The following MINK1 variants were observed in gnomAD, a reference collection of about 807,000 sequenced individuals.
MINK1 encodes the protein misshapen-like kinase 1.
In MINK1, 46 loss-of-function variants were observed where a neutral mutation model predicts 178.4. The ratio of observed to expected loss-of-function variants is 0.26; its 90% CI spans 0.20 to 0.33. The LOEUF is 0.33. Ranked by LOEUF, MINK1 falls within the 10% of genes least tolerant of loss-of-function variation. The probability of loss-of-function intolerance (pLI) is 1.00; values close to 1 mark genes in which losing one functional copy is unlikely to be tolerated. For synonymous variants in MINK1, 797 were observed against 709.7 expected (o/e 1.12, Z -1.96); for missense variants, 1,366 against 1,814.9 (o/e 0.75, Z 4.49).
chr17:4,850,970 C>T (rs1396963058), intron 1 of MINK1: 1 of 457,518 alleles, frequency 2.2e-6, no homozygotes, highest in South Asian at 1.6e-5. Context: ...GTCTGCTTCC[C>T]AGGGACTGGC....
chr17:4,876,851 G>A (rs1045357352), intron 1 of MINK1, among the ~76,000 whole-genome samples: 3 of 152,098 alleles, frequency 2.0e-5, no homozygotes, highest in Non-Finnish European at 4.4e-5. Flanking sequence ...ACTTTGGGAG[G>A]CCAAGGCAGG....
At chr17:4,878,811 C>G (rs890128336) in intron 2 of MINK1, among the ~76,000 whole-genome samples, 10 of 152,246 alleles carry the variant, frequency 6.6e-5, no homozygotes, top group African/African-American at 2.2e-4. Flanking sequence ...GATGTGGCCT[C>G]TGCTCCCACA....
chr17:4,839,928 ATTAT>A lies in MINK1; in HGVS notation c.57+6294_57+6297del, dbSNP rs201828144. ...AGTAGGGAGAGACATTAATCAAGTA[ATTAT>A]TTATTAATGTGTGTGTGTGTGTGTG... On this transcript the variant is annotated intron_variant, in intron 1 of 31. Transcript: ENST00000355280. 3.1e-3 allele frequency among the ~76,000 whole-genome samples: 444 copies of A among 140,954 alleles called. 4 individuals carry two copies. Among genetic ancestry groups the A allele is most frequent in the African/African-American group, 8.0e-3 (295 of 36,834 alleles). 92.5% of individuals were successfully genotyped at this position (140,954 alleles called of 152,430 possible). A position where few individuals can be genotyped will look rare whatever the true frequency, so the allele number is the denominator to read the frequency against.
At chr17:4,883,660 T>C (rs1967928351) in intron 4 of MINK1, among the ~76,000 whole-genome samples, 1 of 150,506 alleles carries the variant, frequency 6.6e-6, no homozygotes, top group Non-Finnish European at 1.5e-5. Flanking sequence ...GCCTCCCAAG[T>C]AGCTGGGACT....
chr17:4,853,699 G>A (rs1912578948), intron 1 of MINK1, among the ~76,000 whole-genome samples: 1 of 152,090 alleles, frequency 6.6e-6, no homozygotes, highest in Admixed American at 6.6e-5. Flanking sequence ...GGTGGTGGTA[G>A]GAGAGGCAGC....
chr17:4,887,764 A>G lies in MINK1; in HGVS notation c.1204A>G (p.Lys402Glu), dbSNP rs925374789. Residue 402 changes from lysine to glutamate, a missense_variant, in exon 12 of 32, where the codon AAG becomes GAG. Transcript: ENST00000355280. The surrounding 1 kb of genome is among the most constrained non-coding windows in gnomAD (Gnocchi z 7.6). ...HQRQRRIEEQ[K>E]EERRRVEEQQ... is the part of the protein sequence containing the mutation. The stretch of plus-strand genomic sequence containing the variant: ...GCGGCAGCGGCGCATAGAGGAGCAG[A>G]AGGAGGAGCGGCGCCGCGTGGAGGA... The G allele has an allele frequency of 3.9e-6, 6 of 1,536,960 alleles. No homozygotes were observed. Among genetic ancestry groups the G allele is most frequent in the Admixed American group, 2.1e-5 (1 of 47,858 alleles).
At chr17:4,855,453 T>G (rs1300352603) in intron 1 of MINK1, among the ~76,000 whole-genome samples, 1 of 122,394 alleles carries the variant, frequency 8.2e-6, no homozygotes, top group African/African-American at 3.2e-5. Flanking sequence ...GGCATTGCAC[T>G]CCAGCCTGGG....
intron 1 of MINK1, among the ~76,000 whole-genome samples, chr17:4,862,427 G>A (rs1223194735): frequency 2.6e-5 from 4 of 152,142 alleles, no homozygotes; most frequent in African/African-American, 9.7e-5. Flanking sequence ...GGCCGAGACG[G>A]GTGGATCACC....
intron 1 of MINK1, among the ~76,000 whole-genome samples, chr17:4,838,971 T>G (rs1195783359): frequency 2.0e-5 from 3 of 151,064 alleles, no homozygotes; most frequent in Non-Finnish European, 4.4e-5. Flanking sequence ...TGAGACGCAG[T>G]CTCGCACTGT....
rs1282814749 is a variant in MINK1, at chr17:4,896,471, A to C, written c.3658A>C (p.Asn1220His). ...GCCCCATGCCATCATCTTCCTCCCC[A>C]ACACCGACGGCATGGAGATGCTGCT... The part of the protein sequence containing the change: ...ITPHAIIFLP[N>H]TDGMEMLLCY... Residue 1220 changes from asparagine (N) to histidine (H), a missense_variant, in exon 30 of 32, where the codon AAC becomes CAC. By Grantham distance (68) the Asn-to-His change is moderately conservative. Coordinates refer to ENST00000355280, the MANE Select transcript of MINK1 (RefSeq NM_153827.5). This position sits in a 1 kb window ranked among gnomAD's most constrained non-coding sequence, Gnocchi z 4.6. The C allele has an allele frequency of 2.5e-6, 4 of 1,613,638 alleles. No homozygotes were observed. The highest frequency in any genetic ancestry group is 2.2e-5 in the East Asian group (1 of 44,870).
rs1224067364 is a variant in MINK1 at position 4,897,586 on chromosome 17, GGA to G, written c.*303_*304del. On this transcript the variant is annotated 3_prime_UTR_variant, in exon 32 of 32. Transcript: ENST00000355280. ...CCTCCCCCCTTTTCTCCATTTGAGA[GGA>G]GAGTGCTTGGGGCTTGAACCCCTTA... is the stretch of plus-strand genomic sequence containing the variant. 2.9e-5 allele frequency: 10 copies of G among 342,222 alleles called. No homozygotes were observed. Among genetic ancestry groups the G allele is most frequent in the South Asian group, 1.4e-4 (4 of 27,676 alleles). The allele number at this position is 342,222 out of a possible 1,614,324, so 21.2% of individuals were successfully genotyped here.
intron 1 of MINK1, among the ~76,000 whole-genome samples, chr17:4,871,356 A>G (rs183592374): frequency 1.2e-3 from 180 of 151,206 alleles, no homozygotes; most frequent in Non-Finnish European, 1.5e-3. Flanking sequence ...TTGCCTCACT[A>G]ATTTTTTAAA....
chr17:4,863,952 C>G (rs8065254), intron 1 of MINK1, among the ~76,000 whole-genome samples: 1 of 152,062 alleles, frequency 6.6e-6, no homozygotes, highest in Non-Finnish European at 1.5e-5. Context: ...CCACGCCCAG[C>G]TAATTTTTGT....
Position 4,894,498 on chromosome 17 carries a change from T to C in MINK1, c.2809-27T>C, listed in dbSNP as rs1356476766. On this transcript the variant is annotated intron_variant, in intron 23 of 31. Coordinates refer to ENST00000355280, the MANE Select transcript of MINK1 (RefSeq NM_153827.5). The surrounding 1 kb of genome is among the most constrained non-coding windows in gnomAD (Gnocchi z 4.1). ...GGCCGCAGCTGGACTTGCACTTGTT[T>C]GCCTGACTGCTGTCCCCCTACCACA... is the stretch of plus-strand genomic sequence containing the variant. The C allele has an allele frequency of 1.3e-6, 2 of 1,563,768 alleles. No individual in the cohort carries two copies. Among genetic ancestry groups the C allele is most frequent in the Non-Finnish European group, 1.7e-6 (2 of 1,151,434 alleles).
chr17:4,896,296 T>C lies in MINK1; in HGVS notation c.3569T>C (p.Val1190Ala). ...IYGSSAGFHA[V>A]DVDSGNSYDI... ...GGCTCCAGTGCTGGCTTCCATGCTGTGGATGTCGACTCGGGGAACAGCTAT... is the reference window on the plus strand; with the variant it reads ...GGCTCCAGTGCTGGCTTCCATGCTGCGGATGTCGACTCGGGGAACAGCTAT... Residue 1190 changes from valine (V) to alanine (A), a missense_variant, in exon 29 of 32, where the codon GTG becomes GCG. Physicochemically the swap from Val to Ala is moderately conservative, Grantham distance 64. Coordinates refer to ENST00000355280, the MANE Select transcript of MINK1 (RefSeq NM_153827.5). This position sits in a 1 kb window ranked among gnomAD's most constrained non-coding sequence, Gnocchi z 4.6. 1 of 1,604,144 alleles carries C rather than the reference T, an allele frequency of 6.2e-7. No individual in the cohort carries two copies. Among genetic ancestry groups the C allele is most frequent in the Non-Finnish European group, 8.5e-7 (1 of 1,174,694 alleles).
In MINK1 at chr17:4,865,835, C is replaced by T. The variant is rs144627233; in HGVS notation, c.58-12482C>T. Among the ~76,000 whole-genome samples the T allele has an allele frequency of 5.9e-5, 9 of 151,820 alleles. No individual in the cohort carries two copies. The East Asian group carries it at 1.7e-3, about 29-fold the overall frequency. ...ACTTGAGTCCAGGAGTTCGAGGCTA[C>T]AGTGAGCTATGATTGTGCCACTGCA... On this transcript the variant is annotated intron_variant, in intron 1 of 31. Coordinates refer to ENST00000355280, the MANE Select transcript of MINK1 (RefSeq NM_153827.5).
At chr17:4,889,912 A>G in intron 13 of MINK1, 149 bp downstream of exon 13, 1 of 612,402 alleles carries the variant, frequency 1.6e-6, no homozygotes, top group South Asian at 2.0e-5. Context: ...GTTTTCTCCC[A>G]CCCTTCAACC....
intron 1 of MINK1, among the ~76,000 whole-genome samples, chr17:4,857,675 C>T (rs1424537399): frequency 6.6e-6 from 1 of 151,806 alleles, no homozygotes; most frequent in African/African-American, 2.4e-5. Context: ...ACCATGTTGC[C>T]CCGTATGGTC....
rs200592676 is a variant in MINK1, at chr17:4,891,112, G to C, written c.1728G>C (p.Glu576Asp). 3.9e-3 allele frequency: 6,043 copies of C among 1,535,738 alleles called. 16 individuals are homozygous for C. Among genetic ancestry groups the C allele is most frequent in the Non-Finnish European group, 4.9e-3 (5,644 of 1,141,128 alleles). The change falls in exon 15 of 32, where the codon GAG becomes GAC. Residue 576 changes from glutamate to aspartate, a missense_variant. Coordinates refer to ENST00000355280, the MANE Select transcript of MINK1 (RefSeq NM_153827.5). ...PPMQRPVEPQ[E>D]GPHKSLVAHR... ...TGCAGAGGCCGGTGGAGCCCCAGGA[G>C]GGACCGCACAAGGTGAGTCTCTCCC...
Sources: allele counts gnomAD v4.1 joint callset (sites outside exome capture counted in the v4.1 genomes callset), GRCh38; gene constraint gnomAD v4.1.1; non-coding constraint Gnocchi (gnomAD v3.1); transcripts MANE v1.5; gene names NCBI Gene and HGNC (gene_info 2026-07-23, HGNC 2026-07-21).